The following SYT7 variants were observed in gnomAD, a reference collection of about 807,000 sequenced individuals.
SYT7 encodes synaptotagmin 7.
A neutral mutation model predicts 75.1 loss-of-function variants in SYT7; 29 were observed. The observed-to-expected ratio is 0.39, with a 90% confidence interval of 0.29 to 0.53. The LOEUF is 0.53. Among genes scored for constraint, SYT7 ranks in the 20% least tolerant of loss-of-function variants. SYT7 has a pLI of 0.77. For missense variants in SYT7, 693 were observed against 953.2 expected (o/e 0.73, Z 3.59); for synonymous variants, 376 against 401.7 (o/e 0.94, Z 0.76).
rs1000615413 is a variant in SYT7, at chr11:61,516,016, G to T, written c.*2611C>A. 1 of 152,662 alleles carries T rather than the reference G, an allele frequency of 6.6e-6. No homozygotes were observed. The highest frequency in any genetic ancestry group is 2.4e-5 in the African/African-American group (1 of 41,438). 9.5% of individuals were successfully genotyped at this position (152,662 alleles called of 1,614,324 possible). ...CAACCTCCCCTATGAGGTAGGTGAAGTATTATTACCATCATTTTACAGATG... is the reference window on the plus strand; with the variant it reads ...CAACCTCCCCTATGAGGTAGGTGAATTATTATTACCATCATTTTACAGATG... On this transcript the variant is annotated 3_prime_UTR_variant, in exon 13 of 13. Transcript: ENST00000539008. The surrounding 1 kb of genome is among the most constrained non-coding windows in gnomAD (Gnocchi z 4.6).
chr11:61,525,677 C>G (rs904400170), intron 9 of SYT7: 17 of 152,232 alleles, frequency 1.1e-4, no homozygotes, highest in African/African-American at 3.9e-4. Context: ...AGGATTCCCA[C>G]AAAGGCCTCT....
At chr11:61,527,027 C>T (rs913962783) in intron 9 of SYT7, among the ~76,000 whole-genome samples, 1 of 152,166 alleles carries the variant, frequency 6.6e-6, no homozygotes, top group Non-Finnish European at 1.5e-5. Context: ...AAGCGGGGTC[C>T]TGGCACCCAA....
At chr11:61,538,393 G>GAGAGAGAGAA in intron 6 of SYT7, 127 bp from the exon 7 acceptor site, 1 of 666,162 alleles carries the variant, frequency 1.5e-6, no homozygotes. Context: ...GAGAGAAAGA[G>GAGAGAGAGAA]AGAGAGAGAG....
intron 1 of SYT7, among the ~76,000 whole-genome samples, chr11:61,563,257 C>G (rs1404057475): frequency 6.6e-6 from 1 of 152,234 alleles, no homozygotes; most frequent in Non-Finnish European, 1.5e-5. Flanking sequence ...GACATGGAGG[C>G]AGATGACCTG....
intron 7 of SYT7, among the ~76,000 whole-genome samples, chr11:61,535,245 G>A (rs928119611): frequency 6.6e-5 from 10 of 152,212 alleles, no homozygotes; most frequent in East Asian, 1.9e-4. Context: ...GAAGGCTGCC[G>A]GGTGGACGAG....
rs1233340778 is a variant in SYT7 at position 61,524,519 on chromosome 11, C to T, written c.1485G>A (p.Glu495=). 52 of 1,594,206 alleles carry T rather than the reference C, an allele frequency of 3.3e-5. No individual in the cohort carries two copies. Among genetic ancestry groups the T allele is most frequent in the Non-Finnish European group, 3.9e-5 (46 of 1,169,588 alleles). Residue 495 remains glutamate, a synonymous_variant, in exon 10 of 13, where the codon GAG becomes GAA. Coordinates refer to ENST00000539008, the MANE Select transcript of SYT7 (RefSeq NM_001365809.2). The surrounding 1 kb of genome is among the most constrained non-coding windows in gnomAD (Gnocchi z 4.1). ...ETFLFEGFPY[E]KVVQRILYLQ... ...GGTAGAGGATCCTCTGCACCACCTT[C>T]TCATAGGGAAAACCTGGGGGTATAG... is the stretch of plus-strand genomic sequence containing the variant.
At chr11:61,557,309 G>A (rs1466256965) in intron 1 of SYT7, among the ~76,000 whole-genome samples, 4 of 152,236 alleles carry the variant, frequency 2.6e-5, no homozygotes, top group Non-Finnish European at 4.4e-5. Context: ...AGGAGCCTGC[G>A]TGGGCTTTTT....
chr11:61,571,291 T>C (rs77366204), intron 1 of SYT7, among the ~76,000 whole-genome samples: 4,829 of 152,324 alleles, frequency 0.032, 288 homozygotes, highest in African/African-American at 0.11. Flanking sequence ...TGAGGTGTGT[T>C]AGCTCATGCT....
At chr11:61,575,498 C>G (rs990703507) in intron 1 of SYT7, among the ~76,000 whole-genome samples, 3 of 152,188 alleles carry the variant, frequency 2.0e-5, no homozygotes, top group Non-Finnish European at 2.9e-5. Context: ...AGCCCCACAC[C>G]GTCATGGAAA....
rs1280742232 is a variant in SYT7, at chr11:61,556,014, T to A, written c.135+90A>T. ...CACCTGTGTGCACCCTTGGGAAAAT[T>A]CCCAAGCCTGTAATTGTGTGTGTGT... is the stretch of plus-strand genomic sequence containing the variant. On this transcript the variant is annotated intron_variant, in intron 2 of 12. Transcript: ENST00000539008. 2.4e-6 allele frequency: 3 copies of A among 1,256,906 alleles called. No individual in the cohort carries two copies. The Admixed American group carries it at 6.5e-5, about 27-fold the overall frequency. The allele number at this position is 1,256,906 out of a possible 1,614,324, so 77.9% of individuals were successfully genotyped here.
At position 61,523,657 on chromosome 11, in the gene SYT7, G is replaced by T. The variant is rs1046990590; in HGVS notation, c.1756+170C>A. On this transcript the variant is annotated intron_variant, in intron 11 of 12. Coordinates refer to ENST00000539008, the MANE Select transcript of SYT7 (RefSeq NM_001365809.2). This position sits in a 1 kb window ranked among gnomAD's most constrained non-coding sequence, Gnocchi z 5.0. ...CTTGAACAGAGTCCGAGATGAGGGT[G>T]CTCCAAAGGGGGGCCCCAGGGTCTC... Among the ~76,000 whole-genome samples the T allele has an allele frequency of 3.3e-5, 5 of 152,170 alleles. No individual in the cohort carries two copies. Among genetic ancestry groups the T allele is most frequent in the African/African-American group, 1.2e-4 (5 of 41,422 alleles).
In SYT7 at chr11:61,542,278, T is replaced by C; in HGVS notation, c.874A>G (p.Asn292Asp). The C allele has an allele frequency of 6.5e-7, 1 of 1,535,124 alleles. No homozygotes were observed. The highest frequency in any genetic ancestry group is 8.7e-7 in the Non-Finnish European group (1 of 1,146,410). ...ACCACGTGGTCCCAGCTGCCTGGGT[T>C]GGAGCGGCTGCGGCCCCCTGCCGCC... Reference protein sequence around the residue: ...YRAAGGRSRSNPGSWDHVVGQ... With the variant: ...YRAAGGRSRSDPGSWDHVVGQ... The change falls in exon 6 of 13, where the codon AAC becomes GAC. Residue 292 changes from asparagine to aspartate, a missense_variant. Physicochemically the swap from Asn to Asp is conservative, Grantham distance 23. Around this residue, in one of 2 missense-constraint regions of SYT7, gnomAD observed 487 missense variants for 593.2 expected, o/e 0.82. Coordinates refer to ENST00000539008, the MANE Select transcript of SYT7 (RefSeq NM_001365809.2). The surrounding 1 kb of genome is among the most constrained non-coding windows in gnomAD (Gnocchi z 7.8).
intron 1 of SYT7, among the ~76,000 whole-genome samples, chr11:61,574,861 G>A (rs543493758): frequency 1.3e-5 from 2 of 152,152 alleles, no homozygotes; most frequent in African/African-American, 2.4e-5. Context: ...GGGCCCCGCC[G>A]GGAGCAGCTG....
chr11:61,516,172 C>A lies in SYT7; in HGVS notation c.*2455G>T, dbSNP rs950597785. ...TCCTATTGCCCTAGACCGCCCCCGC[C>A]CCATCCCATACCACCCTTACCTCCC... On this transcript the variant is annotated 3_prime_UTR_variant, in exon 13 of 13. Transcript: ENST00000539008. This position sits in a 1 kb window ranked among gnomAD's most constrained non-coding sequence, Gnocchi z 4.6. 1.3e-5 allele frequency: 2 copies of A among 151,988 alleles called. No homozygotes were observed. The highest frequency in any genetic ancestry group is 2.9e-5 in the Non-Finnish European group (2 of 68,024). The allele number at this position is 151,988 out of a possible 1,614,324, so 9.4% of individuals were successfully genotyped here.
intron 7 of SYT7, among the ~76,000 whole-genome samples, chr11:61,535,952 G>A (rs1302425737): frequency 6.6e-6 from 1 of 152,182 alleles, no homozygotes; most frequent in Non-Finnish European, 1.5e-5. Context: ...TGAGGGTCCA[G>A]GAGCTCAGAG....
Position 61,517,170 on chromosome 11 carries a change from A to G in SYT7, c.*1457T>C, listed in dbSNP as rs1345946490. ...GACCCCCAGGATTGGAGGCTTTGTC[A>G]CCAGCTGGGTCTTGTATCAATACCA... On this transcript the variant is annotated 3_prime_UTR_variant, in exon 13 of 13. Coordinates refer to ENST00000539008, the MANE Select transcript of SYT7 (RefSeq NM_001365809.2). The G allele has an allele frequency of 2.5e-6, 1 of 398,120 alleles. No homozygotes were observed. Among genetic ancestry groups the G allele is most frequent in the East Asian group, 3.6e-5 (1 of 28,084 alleles). 24.7% of individuals were successfully genotyped at this position (398,120 alleles called of 1,614,324 possible). A position where few individuals can be genotyped will look rare whatever the true frequency, so the allele number is the denominator to read the frequency against.
Position 61,546,162 on chromosome 11 carries a change from C to G in SYT7, c.441G>C (p.Pro147=). The G allele has an allele frequency of 6.6e-7, 1 of 1,525,018 alleles. No homozygotes were observed. Among genetic ancestry groups the G allele is most frequent in the Non-Finnish European group, 8.8e-7 (1 of 1,142,436 alleles). The allele number at this position is 1,525,018 out of a possible 1,614,324, so 94.5% of individuals were successfully genotyped here. A position where few individuals can be genotyped will look rare whatever the true frequency, so the allele number is the denominator to read the frequency against. Residue 147 remains proline (P), a synonymous_variant, in exon 5 of 13, where the codon CCG becomes CCC. Transcript: ENST00000539008. The surrounding 1 kb of genome is among the most constrained non-coding windows in gnomAD (Gnocchi z 7.6). ...GRLGEKPAPV[P]PPGEDALRSG... is the part of the protein sequence containing the mutation. ...TTCTCAAGGCGTCCTCTCCGGGTGG[C>G]GGCACCGGTGCCGGCTTCTCCCCCA... is the stretch of plus-strand genomic sequence containing the variant.
Position 61,546,509 on chromosome 11 carries a change from G to A in SYT7, c.348-254C>T, listed in dbSNP as rs1351801161. On this transcript the variant is annotated intron_variant, in intron 4 of 12. Transcript: ENST00000539008. The surrounding 1 kb of genome is among the most constrained non-coding windows in gnomAD (Gnocchi z 7.6). ...TGCAGAGGAGAGAGGGGGACCGGGCGGGCTGGGGGTCGGAGAACAACGCAC... is the reference window on the plus strand; with the variant it reads ...TGCAGAGGAGAGAGGGGGACCGGGCAGGCTGGGGGTCGGAGAACAACGCAC... 4.3e-5 allele frequency: 23 copies of A among 534,422 alleles called. No individual in the cohort carries two copies. Among genetic ancestry groups the A allele is most frequent in the East Asian group, 3.3e-4 (9 of 27,078 alleles). The allele number at this position is 534,422 out of a possible 1,614,324, so 33.1% of individuals were successfully genotyped here.
At chr11:61,533,668 A>G in intron 7 of SYT7, 1 of 985,426 alleles carries the variant, frequency 1.0e-6, no homozygotes, top group Non-Finnish European at 1.2e-6. Context: ...TGACCAGGTG[A>G]GGTCAGGACA....
Sources: gnomAD v4.1 joint callset for allele counts (sites outside exome capture counted in the v4.1 genomes callset) on GRCh38, gnomAD v4.1.1 for gene constraint, gnomAD v4.1.1 regional missense constraint, Gnocchi (gnomAD v3.1) non-coding constraint, MANE v1.5 for transcripts, NCBI Gene and HGNC (gene_info 2026-07-23, HGNC 2026-07-21) for gene names.